Variants in SEMA6C observed in about 807,000 individuals in gnomAD.
SEMA6C encodes the protein semaphorin 6C.
SEMA6C carries 37 observed loss-of-function variants against 72.9 expected under a neutral mutation model. That is an observed-to-expected ratio of 0.51 (90% CI 0.39 to 0.67). The LOEUF is 0.67. SEMA6C is among the 30% of genes least tolerant of loss of function. SEMA6C has a pLI of 0.00. For missense variants in SEMA6C, 1,189 were observed against 1,263.6 expected, an observed-to-expected ratio of 0.94 and a Z score of 0.89; for synonymous variants, 578 against 554.1, an observed-to-expected ratio of 1.04 and a Z score of -0.61.
intron 17 of SEMA6C, 74 bp downstream of exon 17, chr1:151,134,546 G>A: frequency 2.5e-6 from 4 of 1,605,506 alleles, no homozygotes; most frequent in Non-Finnish European, 2.6e-6. Context: ...AAAAGGCCAA[G>A]CCTGGGATGG....
chr1:151,146,606 GCCGCGGAT>G lies in SEMA6C; in HGVS notation c.-286_-279del. On this transcript the variant is annotated 5_prime_UTR_variant, in exon 1 of 19. Coordinates refer to ENST00000368914, the MANE Select transcript of SEMA6C (RefSeq NM_030913.6). The surrounding 1 kb of genome is among the most constrained non-coding windows in gnomAD (Gnocchi z 4.6). ...CGGGAGAGCCCTGGGTCCAAGTCCA[GCCGCGGAT>G]CCGCGGAGGAAAACAATGCGACCGC... 6.6e-6 allele frequency: 1 copy of G among 152,394 alleles called. No individual in the cohort carries two copies. Among genetic ancestry groups the G allele is most frequent in the Middle Eastern group, 3.4e-3 (1 of 294 alleles). 9.4% of individuals were successfully genotyped at this position (152,394 alleles called of 1,614,324 possible). A position where few individuals can be genotyped will look rare whatever the true frequency, so the allele number is the denominator to read the frequency against.
intron 13 of SEMA6C, 88 bp downstream of exon 13, chr1:151,135,923 C>T: frequency 6.4e-7 from 1 of 1,573,976 alleles, no homozygotes; most frequent in South Asian, 1.2e-5. Context: ...TTCTTCCTCC[C>T]ACCAATGCGG....
chr1:151,141,626 G>T lies in SEMA6C; in HGVS notation c.118+878C>A, dbSNP rs587760359. On this transcript the variant is annotated intron_variant, in intron 3 of 18. Transcript: ENST00000368914. ...GGGTTCCACCATGTTAGCCAGGCAG[G>T]TCTCGAACTCCTGACCTCAGGTGAT... Among the ~76,000 whole-genome samples, 516 of 152,030 alleles carry T rather than the reference G, an allele frequency of 3.4e-3. 2 individuals are homozygous for T. The highest frequency in any genetic ancestry group is 8.1e-3 in the South Asian group (39 of 4,814).
chr1:151,133,571 A>G lies in SEMA6C; in HGVS notation c.1760-54T>C. On this transcript the variant is annotated intron_variant, in intron 18 of 18. Coordinates refer to ENST00000368914, the MANE Select transcript of SEMA6C (RefSeq NM_030913.6). This position sits in a 1 kb window ranked among gnomAD's most constrained non-coding sequence, Gnocchi z 5.9. ...CAGCCAAGGGGAGGCGGTGCGGGGT[A>G]CCTAGGCCCAGAGGCGCCGGCAGTT... 9.7e-6 allele frequency: 14 copies of G among 1,446,836 alleles called. No homozygotes were observed. The highest frequency in any genetic ancestry group is 1.3e-5 in the Non-Finnish European group (14 of 1,104,448). 89.6% of individuals were successfully genotyped at this position (1,446,836 alleles called of 1,614,324 possible). A position where few individuals can be genotyped will look rare whatever the true frequency, so the allele number is the denominator to read the frequency against.
Position 151,133,018 on chromosome 1 carries a change from C to T in SEMA6C, c.2259G>A (p.Pro753=), listed in dbSNP as rs1181511426. Reference sequence around the variant, plus strand: ...CGGCCTGCCCGGGACAGCCGGGCGGCGGTGGCCTCACCAGCACGCGGGGCG... The same window carrying T: ...CGGCCTGCCCGGGACAGCCGGGCGGTGGTGGCCTCACCAGCACGCGGGGCG... The part of the protein sequence containing the change: ...GPAPRVLVRP[P]PPGCPGQAVE... The change falls in exon 19 of 19, where the codon CCG becomes CCA. Residue 753 remains proline, a synonymous_variant. Transcript: ENST00000368914. The surrounding 1 kb of genome is among the most constrained non-coding windows in gnomAD (Gnocchi z 5.9). The T allele has an allele frequency of 2.1e-6, 3 of 1,403,642 alleles. No homozygotes were observed. The highest frequency in any genetic ancestry group is 2.8e-5 in the Admixed American group (1 of 35,336). 86.9% of individuals were successfully genotyped at this position (1,403,642 alleles called of 1,614,324 possible).
chr1:151,134,959 A>T (rs1681896751), intron 15 of SEMA6C, 84 bp from the exon 16 acceptor site: 1 of 1,419,364 alleles, frequency 7.0e-7, no homozygotes, highest in Non-Finnish European at 9.9e-7. Context: ...ACCCTGGCTT[A>T]CAGGAGGCTC....
chr1:151,138,014 G>T lies in SEMA6C; in HGVS notation c.639C>A (p.Ser213=). ...RSLGPQPPLR[S]AKYDSKWLRE... is the part of the protein sequence containing the mutation. The stretch of plus-strand genomic sequence containing the variant: ...GGAGCCACTTGGAGTCATACTTGGC[G>T]GAGCGGAGTGGGGGCTGGGGCCCAA... Residue 213 remains serine (S), a synonymous_variant, in exon 9 of 19, where the codon TCC becomes TCA. Coordinates refer to ENST00000368914, the MANE Select transcript of SEMA6C (RefSeq NM_030913.6). The T allele has an allele frequency of 6.2e-7, 1 of 1,614,162 alleles. No individual in the cohort carries two copies. The highest frequency in any genetic ancestry group is 8.5e-7 in the Non-Finnish European group (1 of 1,180,006).
rs1396687413 is a variant in SEMA6C at position 151,133,923 on chromosome 1, A to G, written c.1760-406T>C. 1 of 1,476,458 alleles carries G rather than the reference A, an allele frequency of 6.8e-7. No homozygotes were observed. Among genetic ancestry groups the G allele is most frequent in the Admixed American group, 2.0e-5 (1 of 50,664 alleles). 91.5% of individuals were successfully genotyped at this position (1,476,458 alleles called of 1,614,324 possible). ...GAACGCTCCGAGAATCAGCAGCCCC[A>G]CACTTCACTCCTATCTCTCCCAAGT... On this transcript the variant is annotated intron_variant, in intron 18 of 18. Coordinates refer to ENST00000368914, the MANE Select transcript of SEMA6C (RefSeq NM_030913.6). The surrounding 1 kb of genome is among the most constrained non-coding windows in gnomAD (Gnocchi z 5.9).
Position 151,136,138 on chromosome 1 carries a change from C to T in SEMA6C, c.1132G>A (p.Gly378Arg), listed in dbSNP as rs1225822054. 1 of 1,613,904 alleles carries T rather than the reference C, an allele frequency of 6.2e-7. No individual in the cohort carries two copies. The highest frequency in any genetic ancestry group is 1.7e-5 in the Admixed American group (1 of 60,004). The change falls in exon 13 of 19, where the codon GGA becomes AGA. Residue 378 changes from glycine (G) to arginine (R), a missense_variant. Gly to Arg is a moderately radical substitution (Grantham distance 125). Coordinates refer to ENST00000368914, the MANE Select transcript of SEMA6C (RefSeq NM_030913.6). ...CGGGAAGAGGAGAACAAGGCAGCTC[C>T]CCCTACTCCTGCACAGGATCCTGGC... ...PRPGSCAGVG[G>R]AALFSSSRDL...
In SEMA6C at chr1:151,135,197, G is replaced by A. The variant is rs1331028442; in HGVS notation, c.1546C>T (p.Leu516Phe). ...AFSGCIVYLP[L>F]SRCARHGACQ... is the part of the protein sequence containing the mutation. Reference sequence around the variant, plus strand: ...GCCCCATGCCGGGCACACCGGCTGAGAGGGAGGTAGACAATACAGCCAGAA... The same window carrying A: ...GCCCCATGCCGGGCACACCGGCTGAAAGGGAGGTAGACAATACAGCCAGAA... Residue 516 changes from leucine (L) to phenylalanine (F), a missense_variant, in exon 15 of 19, where the codon CTC (leucine) becomes TTC (phenylalanine). Leu to Phe is a conservative substitution (Grantham distance 22, BLOSUM62 0). This residue lies in a region of SEMA6C where 721 missense variants were observed against 686.2 expected (regional missense o/e 1.05). Transcript: ENST00000368914. 1.2e-6 allele frequency: 2 copies of A among 1,614,138 alleles called. No homozygotes were observed. The highest frequency in any genetic ancestry group is 3.3e-5 in the Admixed American group (2 of 60,026).
intron 6 of SEMA6C, 108 bp downstream of exon 6, chr1:151,139,317 G>T: frequency 1.1e-6 from 1 of 915,890 alleles, no homozygotes. Context: ...CTGTGGCCTG[G>T]GATGGAAAAA....
intron 18 of SEMA6C, chr1:151,134,091 C>G: frequency 7.1e-7 from 1 of 1,411,226 alleles, no homozygotes; most frequent in Non-Finnish European, 9.5e-7. Context: ...CAGTGAGGCT[C>G]TTGATCTCTA....
chr1:151,138,194 T>C (rs1558184914), intron 8 of SEMA6C, 89 bp from the exon 9 acceptor site: 1 of 1,585,406 alleles, frequency 6.3e-7, no homozygotes, highest in Non-Finnish European at 8.6e-7. Context: ...TACCTAGGCC[T>C]GGCCCTGGTC....
chr1:151,145,230 G>A lies in SEMA6C; in HGVS notation c.-104-796C>T, dbSNP rs1682846780. The A allele has an allele frequency of 6.6e-6, 1 of 152,296 alleles. No homozygotes were observed. Among genetic ancestry groups the A allele is most frequent in the Non-Finnish European group, 1.5e-5 (1 of 68,134 alleles). 9.4% of individuals were successfully genotyped at this position (152,296 alleles called of 1,614,324 possible). A position where few individuals can be genotyped will look rare whatever the true frequency, so the allele number is the denominator to read the frequency against. ...AGAGGAAACAGCCCTTCTCTCTCCT[G>A]GCCCCGAAGCCACCTCTGGGGAATG... On this transcript the variant is annotated intron_variant, in intron 1 of 18. Coordinates refer to ENST00000368914, the MANE Select transcript of SEMA6C (RefSeq NM_030913.6). This position sits in a 1 kb window ranked among gnomAD's most constrained non-coding sequence, Gnocchi z 4.4.
At chr1:151,140,345 T>A (rs1018998581) in intron 3 of SEMA6C, among the ~76,000 whole-genome samples, 2 of 152,260 alleles carry the variant, frequency 1.3e-5, no homozygotes, top group African/African-American at 4.8e-5. Context: ...AGCCTGAGAC[T>A]AGAAGCCATT....
At chr1:151,134,473 G>T (rs1255211232) in intron 17 of SEMA6C, 28 bp from the exon 18 acceptor site, 2 of 1,608,588 alleles carry the variant, frequency 1.2e-6, no homozygotes, top group Admixed American at 1.7e-5. Flanking sequence ...GGTGAAGATG[G>T]GGGGAAAGAG....
intron 10 of SEMA6C, 70 bp from the exon 11 acceptor site, chr1:151,137,144 G>T (rs939240463): frequency 1.4e-4 from 197 of 1,434,076 alleles, no homozygotes; most frequent in Non-Finnish European, 1.8e-4. Flanking sequence ...AAGGAGTGTG[G>T]TGAGTTAAGA....
chr1:151,133,043 G>T lies in SEMA6C; in HGVS notation c.2234C>A (p.Ala745Glu), dbSNP rs1359750259. 1 of 1,406,538 alleles carries T rather than the reference G, an allele frequency of 7.1e-7. No individual in the cohort carries two copies. The highest frequency in any genetic ancestry group is 9.2e-7 in the Non-Finnish European group (1 of 1,088,158). 87.1% of individuals were successfully genotyped at this position (1,406,538 alleles called of 1,614,324 possible). A position where few individuals can be genotyped will look rare whatever the true frequency, so the allele number is the denominator to read the frequency against. Residue 745 changes from alanine to glutamate, a missense_variant, in exon 19 of 19, where the codon GCG (alanine) becomes GAG (glutamate). Physicochemically the swap from Ala to Glu is moderately radical, Grantham distance 107. This residue lies in a region of SEMA6C where 721 missense variants were observed against 686.2 expected (regional missense o/e 1.05). Coordinates refer to ENST00000368914, the MANE Select transcript of SEMA6C (RefSeq NM_030913.6). This position sits in a 1 kb window ranked among gnomAD's most constrained non-coding sequence, Gnocchi z 5.9. The part of the protein sequence containing the change: ...SRGGHAAGGP[A>E]PRVLVRPPPP... ...CGGTGGCCTCACCAGCACGCGGGGCGCGGGCCCGCCCGCCGCGTGCCCGCC... is the reference window on the plus strand; with the variant it reads ...CGGTGGCCTCACCAGCACGCGGGGCTCGGGCCCGCCCGCCGCGTGCCCGCC...
Position 151,137,741 on chromosome 1 carries a change from C to T in SEMA6C, c.726G>A (p.Glu242=), listed in dbSNP as rs767253484. The T allele has an allele frequency of 1.2e-6, 2 of 1,613,816 alleles. No homozygotes were observed. Among genetic ancestry groups the T allele is most frequent in the South Asian group, 1.1e-5 (1 of 91,066 alleles). Reference sequence around the variant, plus strand: ...CCAGCCGAGCATCCTCCACAGAGACCTCGCGGAAGAAGAAGTAGACATGGT... The same window carrying T: ...CCAGCCGAGCATCCTCCACAGAGACTTCGCGGAAGAAGAAGTAGACATGGT... ...HGDHVYFFFR[E]VSVEDARLGR... Residue 242 remains glutamate, a synonymous_variant, in exon 10 of 19, where the codon GAG becomes GAA. Transcript: ENST00000368914.
Sources: gnomAD v4.1 joint callset for allele counts (sites outside exome capture counted in the v4.1 genomes callset) on GRCh38, gnomAD v4.1.1 for gene constraint, gnomAD v4.1.1 regional missense constraint, Gnocchi (gnomAD v3.1) non-coding constraint, MANE v1.5 for transcripts, NCBI Gene and HGNC (gene_info 2026-07-23, HGNC 2026-07-21) for gene names.